Variants in PARP10 observed in about 807,000 individuals in gnomAD.
The protein encoded by PARP10 is poly(ADP-ribose) polymerase family member 10.
A neutral mutation model predicts 82.4 loss-of-function variants in PARP10; 56 were observed. The ratio of observed to expected loss-of-function variants is 0.68; its 90% CI spans 0.55 to 0.85. PARP10 has a LOEUF of 0.85. Ranked by LOEUF, PARP10 falls within the 40% of genes least tolerant of loss-of-function variation. The pLI, the probability that PARP10 is intolerant of heterozygous loss-of-function variation, is 0.00. For missense variants in PARP10, 1,227 were observed against 1,379.4 expected, an observed-to-expected ratio of 0.89 and a Z score of 1.75; for synonymous variants, 576 against 601.1, an observed-to-expected ratio of 0.96 and a Z score of 0.61.
rs1833950750 is a variant in PARP10 at position 143,985,012 on chromosome 8, C to A, written c.990G>T (p.Gln330His). 12 of 1,613,842 alleles carry A rather than the reference C, an allele frequency of 7.4e-6. No individual in the cohort carries two copies. Among genetic ancestry groups the A allele is most frequent in the Non-Finnish European group, 1.0e-5 (12 of 1,179,984 alleles). ...MTTGSGQEPG[Q>H]SGTSLRTGPM... ...GACCTGTCCTCAGAGAGGTCCCTGA[C>A]TGCCCTGGTTCCTGGCCAGAGCCTG... The change falls in exon 5 of 11, where the codon CAG (glutamine) becomes CAT (histidine). Residue 330 changes from glutamine (Q) to histidine (H), a missense_variant. Coordinates refer to ENST00000313028, the MANE Select transcript of PARP10 (RefSeq NM_032789.5).
intron 1 of PARP10, among the ~76,000 whole-genome samples, chr8:144,006,351 C>A (rs975461011): frequency 2.0e-5 from 3 of 152,248 alleles, no homozygotes; most frequent in Non-Finnish European, 4.4e-5. Flanking sequence ...TATCCCCACT[C>A]GACAGATGAA....
rs1048031091 is a variant in PARP10, at chr8:143,977,218, G to A, written c.*266C>T. The A allele has an allele frequency of 3.9e-6, 2 of 509,548 alleles. No individual in the cohort carries two copies. Among genetic ancestry groups the A allele is most frequent in the African/African-American group, 2.0e-5 (1 of 49,186 alleles). The allele number at this position is 509,548 out of a possible 1,614,324, so 31.6% of individuals were successfully genotyped here. ...TTTATTCAAACAACAGAGCCGACTC[G>A]GGCGAGGTCTGGGAGCGGCGGGCGG... On this transcript the variant is annotated 3_prime_UTR_variant, in exon 11 of 11. Coordinates refer to ENST00000313028, the MANE Select transcript of PARP10 (RefSeq NM_032789.5).
upstream of PARP10, chr8:143,992,560 C>T (rs1164701597): frequency 6.2e-7 from 1 of 1,614,082 alleles, no homozygotes; most frequent in African/African-American, 1.3e-5. Context: ...TCCGGAACCG[C>T]ATCCTGGAGA....
At chr8:144,003,246 A>C (rs1462346794) in intron 1 of PARP10, among the ~76,000 whole-genome samples, 1 of 152,004 alleles carries the variant, frequency 6.6e-6, no homozygotes, top group Non-Finnish European at 1.5e-5. Context: ...AATAAGGTGA[A>C]ACCCTGTCTC....
chr8:144,003,984 G>A (rs1253092959), intron 1 of PARP10, among the ~76,000 whole-genome samples: 2 of 151,528 alleles, frequency 1.3e-5, no homozygotes, highest in African/African-American at 4.9e-5. Context: ...GCAGTGAGCC[G>A]TGATTGCACC....
upstream of PARP10, chr8:143,991,704 G>A: frequency 1.2e-6 from 2 of 1,613,128 alleles, no homozygotes; most frequent in Non-Finnish European, 1.7e-6. Context: ...CCCCAGCATG[G>A]AAACTACCAG....
upstream of PARP10, chr8:143,991,814 G>A: frequency 6.2e-7 from 1 of 1,610,456 alleles, no homozygotes; most frequent in Admixed American, 1.7e-5. Flanking sequence ...GGTGGGTAGG[G>A]GCATCTCCAA....
At position 143,985,267 on chromosome 8, in the gene PARP10, G is replaced by C. The variant is rs1833959472; in HGVS notation, c.735C>G (p.Pro245=). 1 of 1,613,706 alleles carries C rather than the reference G, an allele frequency of 6.2e-7. No homozygotes were observed. Among genetic ancestry groups the C allele is most frequent in the Non-Finnish European group, 8.5e-7 (1 of 1,179,936 alleles). Residue 245 remains proline (P), a synonymous_variant, in exon 5 of 11, where the codon CCC becomes CCG. Coordinates refer to ENST00000313028, the MANE Select transcript of PARP10 (RefSeq NM_032789.5). ...RLQGSELSLV[P]HYDILEPEEL... is the part of the protein sequence containing the mutation. ...CCTCGGGCTCCAGGATGTCGTAGTG[G>C]GGGACAAGGCTCAGCTCTGAGCCCT...
At position 143,983,364 on chromosome 8, in the gene PARP10, C is replaced by T. The variant is rs1554748203; in HGVS notation, c.2225G>A (p.Trp742Ter). 9 of 1,606,816 alleles carry T rather than the reference C, an allele frequency of 5.6e-6. No homozygotes were observed. The highest frequency in any genetic ancestry group is 7.6e-6 in the Non-Finnish European group (9 of 1,178,824). Residue 742 changes from tryptophan (W) to a stop codon, truncating the protein, a stop_gained, in exon 8 of 11, where the codon TGG (tryptophan) becomes TAG (stop). Transcript: ENST00000313028. LOFTEE classifies it high-confidence loss of function. ...CAGCTCTGCAGGCAGTGTGCGGCGCCAGGGCCCCACCGTCTCCTCCTGGAC... is the reference window on the plus strand; with the variant it reads ...CAGCTCTGCAGGCAGTGTGCGGCGCTAGGGCCCCACCGTCTCCTCCTGGAC... ...VHVQEETVGP[W>*]RRTLPAELRA...
intron 1 of PARP10, among the ~76,000 whole-genome samples, chr8:144,006,372 C>G (rs1387989962): frequency 6.6e-6 from 1 of 152,220 alleles, no homozygotes; most frequent in African/African-American, 2.4e-5. Flanking sequence ...GAAACAGAGG[C>G]ACAGAGAGGT....
At chr8:144,007,017 C>G (rs1424113494) in intron 1 of PARP10, among the ~76,000 whole-genome samples, 10 of 152,232 alleles carry the variant, frequency 6.6e-5, no homozygotes, top group African/African-American at 2.4e-4. Flanking sequence ...TGCCGCCCCC[C>G]TGCTCTGCCC....
chr8:143,985,520 G>C lies in PARP10; in HGVS notation c.565C>G (p.Leu189Val). 1 of 1,614,038 alleles carries C rather than the reference G, an allele frequency of 6.2e-7. No individual in the cohort carries two copies. The highest frequency in any genetic ancestry group is 8.5e-7 in the Non-Finnish European group (1 of 1,179,986). Reference protein sequence around the residue: ...GDGASVDLLLLELYLENERRS... With the variant: ...GDGASVDLLLVELYLENERRS... ...CGCTCATTCTCCAGGTACAACTCCA[G>C]CAACAGCAGGTCCACAGAGGCACCA... Residue 189 changes from leucine to valine, a missense_variant, in exon 4 of 11, where the codon CTG becomes GTG. Coordinates refer to ENST00000313028, the MANE Select transcript of PARP10 (RefSeq NM_032789.5).
In PARP10 at chr8:143,982,933, C is replaced by T. The variant is rs555098750; in HGVS notation, c.2555G>A (p.Arg852His). Residue 852 changes from arginine (R) to histidine (H), a missense_variant and splice_region_variant, in exon 9 of 11, where the codon CGT becomes CAT. Physicochemically the swap from Arg to His is conservative, Grantham distance 29. Coordinates refer to ENST00000313028, the MANE Select transcript of PARP10 (RefSeq NM_032789.5). ...DAARSSIRVVRVERVSHPLLQ... is the reference protein window; with the variant it reads ...DAARSSIRVVHVERVSHPLLQ... ...CAGAGAGACAGGGCATGGACTCACA[C>T]GAACGACGCGGATGCTGCTGCGGGC... The T allele has an allele frequency of 1.5e-5, 25 of 1,613,462 alleles. No individual in the cohort carries two copies. The highest frequency in any genetic ancestry group is 1.2e-4 in the South Asian group (11 of 91,070).
At chr8:144,009,534 C>T (rs575811802) in intron 1 of PARP10, among the ~76,000 whole-genome samples, 4 of 152,248 alleles carry the variant, frequency 2.6e-5, no homozygotes, top group Non-Finnish European at 4.4e-5. Flanking sequence ...CAACCTCATC[C>T]GCTCATACAG....
At chr8:143,987,508 C>T (rs1834011435), upstream of PARP10, among the ~76,000 whole-genome samples, 5 of 152,356 alleles carry the variant, frequency 3.3e-5, no homozygotes, top group Admixed American at 3.3e-4. Flanking sequence ...CTGCCACTCC[C>T]ATGGTGGGTC....
chr8:144,001,077 C>T (rs1834199238), intron 1 of PARP10, among the ~76,000 whole-genome samples: 1 of 151,890 alleles, frequency 6.6e-6, no homozygotes, highest in South Asian at 2.1e-4. Context: ...CCACGCCTGG[C>T]TAATTTTTTT....
intron 1 of PARP10, among the ~76,000 whole-genome samples, chr8:144,007,060 G>A (rs1204389718): frequency 6.6e-6 from 1 of 152,166 alleles, no homozygotes; most frequent in African/African-American, 2.4e-5. Context: ...TCCAAACAAT[G>A]CTGTGTAAAC....
intron 9 of PARP10, among the ~76,000 whole-genome samples, chr8:143,982,109 G>C (rs1342180573): frequency 6.6e-6 from 1 of 152,102 alleles, no homozygotes; most frequent in African/African-American, 2.4e-5. Context: ...TTGCATTTCT[G>C]ACCAGCTCCT....
At chr8:143,989,259 T>C (rs1486325329), upstream of PARP10, among the ~76,000 whole-genome samples, 1 of 152,208 alleles carries the variant, frequency 6.6e-6, no homozygotes, top group East Asian at 1.9e-4. This position sits in a 1 kb window ranked among gnomAD's most constrained non-coding sequence, Gnocchi z 4.3. Flanking sequence ...CAAGAGGACT[T>C]GGGAGCTAAG....
Sources: allele counts gnomAD v4.1 joint callset (sites outside exome capture counted in the v4.1 genomes callset), GRCh38; gene constraint gnomAD v4.1.1; non-coding constraint Gnocchi (gnomAD v3.1); transcripts MANE v1.5; gene names NCBI Gene and HGNC (gene_info 2026-07-23, HGNC 2026-07-21).